The following OTUD7A variants were observed in gnomAD, a reference collection of about 807,000 sequenced individuals.
The protein encoded by OTUD7A is OTU domain-containing protein 7A.
In OTUD7A, 12 loss-of-function variants were observed where a neutral mutation model predicts 65.7. The observed-to-expected ratio is 0.18, with a 90% CI of 0.12 to 0.30. OTUD7A has a LOEUF of 0.30. Among genes scored for constraint, OTUD7A ranks in the 10% least tolerant of loss-of-function variants. The pLI is 1.00. For synonymous variants in OTUD7A, 641 were observed against 586.3 expected, an observed-to-expected ratio of 1.09 and a Z score of -1.35; for missense variants, 1,148 against 1,304.8, an observed-to-expected ratio of 0.88 and a Z score of 1.85.
intron 3 of OTUD7A, among the ~76,000 whole-genome samples, chr15:31,605,644 C>T (rs959775172): frequency 6.6e-5 from 10 of 152,178 alleles, no homozygotes; most frequent in East Asian, 1.9e-4. Flanking sequence ...TGGAACAAAT[C>T]GATTAAAGCA....
chr15:31,653,473 A>G (rs533107370), intron 3 of OTUD7A, among the ~76,000 whole-genome samples: 2 of 151,906 alleles, frequency 1.3e-5, no homozygotes, highest in South Asian at 2.1e-4. Context: ...ATGAGTCTCA[A>G]AATGATCTCC....
chr15:31,763,594 G>A (rs576134765), intron 1 of OTUD7A, among the ~76,000 whole-genome samples: 135 of 152,250 alleles, frequency 8.9e-4, no homozygotes, highest in African/African-American at 3.2e-3. Context: ...CAAGAAAGGA[G>A]TAAGAGTCTG....
At chr15:31,755,148 G>C (rs1226198981) in intron 1 of OTUD7A, among the ~76,000 whole-genome samples, 1 of 151,772 alleles carries the variant, frequency 6.6e-6, no homozygotes, top group East Asian at 1.9e-4. Context: ...AAGAGGGGAA[G>C]TGAAGGTGGG....
intron 1 of OTUD7A, among the ~76,000 whole-genome samples, chr15:31,822,744 G>A (rs1455472451): frequency 6.6e-6 from 1 of 152,162 alleles, no homozygotes; most frequent in Non-Finnish European, 1.5e-5. Context: ...TCTAATCCAG[G>A]CAGACCCCTC....
chr15:31,636,398 C>T (rs1891342730), intron 3 of OTUD7A, among the ~76,000 whole-genome samples: 1 of 152,198 alleles, frequency 6.6e-6, no homozygotes, highest in African/African-American at 2.4e-5. Flanking sequence ...CCCACACATA[C>T]CGATGAACTT....
intron 8 of OTUD7A, among the ~76,000 whole-genome samples, chr15:31,511,017 ACATG>A (rs2041703664): frequency 1.3e-4 from 3 of 22,288 alleles, no homozygotes; most frequent in African/African-American, 7.1e-4. Context: ...TATGTAACAT[ACATG>A]TATATCTATA....
rs2041257743 is a variant in OTUD7A, at chr15:31,487,652, G to A, written c.1172-86C>T. 22 of 1,032,698 alleles carry A rather than the reference G, an allele frequency of 2.1e-5. No homozygotes were observed. Among genetic ancestry groups the A allele is most frequent in the Non-Finnish European group, 3.0e-5 (21 of 710,166 alleles). The allele number at this position is 1,032,698 out of a possible 1,614,324, so 64.0% of individuals were successfully genotyped here. On this transcript the variant is annotated intron_variant, in intron 10 of 12. Coordinates refer to ENST00000307050, the MANE Select transcript of OTUD7A (RefSeq NM_001382637.1). The surrounding 1 kb of genome is among the most constrained non-coding windows in gnomAD (Gnocchi z 6.0). ...GGAAATTCCCAAGCCAGGTATCTGG[G>A]TGACAAATGCACCGAGTGGACATCT... is the stretch of plus-strand genomic sequence containing the variant.
intron 1 of OTUD7A, among the ~76,000 whole-genome samples, chr15:31,861,145 T>C (rs1363296714): frequency 6.6e-6 from 1 of 152,108 alleles, no homozygotes; most frequent in East Asian, 1.9e-4. Context: ...TTGTACAGAA[T>C]CATGGAGTTG....
intron 8 of OTUD7A, among the ~76,000 whole-genome samples, chr15:31,516,158 G>C (rs557454483): frequency 1.3e-5 from 2 of 152,366 alleles, no homozygotes; most frequent in South Asian, 4.1e-4. Context: ...AGCTATGCAA[G>C]AGGGCCTCCA....
At chr15:31,838,657 ACC>A (rs5811666) in intron 1 of OTUD7A, among the ~76,000 whole-genome samples, 2 of 144,700 alleles carry the variant, frequency 1.4e-5, no homozygotes, top group African/African-American at 5.2e-5. Context: ...GATCTCAAAG[ACC>A]CCCCCCCACT....
At position 31,481,875 on chromosome 15, in the gene OTUD7A, C is replaced by T. The variant is rs753361646; in HGVS notation, c.*1419G>A. 1 of 152,276 alleles carries T rather than the reference C, an allele frequency of 6.6e-6. No homozygotes were observed. Among genetic ancestry groups the T allele is most frequent in the Admixed American group, 6.5e-5 (1 of 15,296 alleles). The allele number at this position is 152,276 out of a possible 1,614,324, so 9.4% of individuals were successfully genotyped here. On this transcript the variant is annotated 3_prime_UTR_variant, in exon 13 of 13. Coordinates refer to ENST00000307050, the MANE Select transcript of OTUD7A (RefSeq NM_001382637.1). The stretch of plus-strand genomic sequence containing the variant: ...AGGATACACTCACAGCAAAGCCAGG[C>T]GCTTTCTCCTGTCCTAGGATTATTA...
Position 31,483,990 on chromosome 15 carries a change from C to T in OTUD7A, c.2106G>A (p.Pro702=), listed in dbSNP as rs2041185793. Residue 702 remains proline, a synonymous_variant, in exon 13 of 13, where the codon CCG becomes CCA. Transcript: ENST00000307050. The part of the protein sequence containing the change: ...AAAAATAKRP[P]RRPETEGVPV... ...GCACGCCCTCCGTCTCCGGTCTGCG[C>T]GGCGGCCGCTTGGCCGTGGCGGCGG... 3 of 1,124,964 alleles carry T rather than the reference C, an allele frequency of 2.7e-6. No individual in the cohort carries two copies. The highest frequency in any genetic ancestry group is 5.0e-5 in the Admixed American group (1 of 19,858). The allele number at this position is 1,124,964 out of a possible 1,614,324, so 69.7% of individuals were successfully genotyped here.
chr15:31,510,547 C>A (rs1236539699), intron 8 of OTUD7A, among the ~76,000 whole-genome samples: 4 of 121,582 alleles, frequency 3.3e-5, no homozygotes, highest in African/African-American at 1.4e-4. Context: ...ATATGTATAT[C>A]TATATGTAAC....
At chr15:31,660,158 G>A (rs1892120252) in intron 1 of OTUD7A, among the ~76,000 whole-genome samples, 1 of 152,272 alleles carries the variant, frequency 6.6e-6, no homozygotes, top group South Asian at 2.1e-4. Flanking sequence ...CTGTTAAGGG[G>A]GTGAATGGTT....
chr15:31,612,784 G>GA (rs1566943875), intron 3 of OTUD7A, among the ~76,000 whole-genome samples: 1 of 152,162 alleles, frequency 6.6e-6, no homozygotes, highest in African/African-American at 2.4e-5. Flanking sequence ...CACAGAATTA[G>GA]AAAAAACAAT....
rs555064196 is a variant in OTUD7A, at chr15:31,807,928, T to C, written c.-100+62579A>G. On this transcript the variant is annotated intron_variant, in intron 1 of 12. Coordinates refer to ENST00000307050, the MANE Select transcript of OTUD7A (RefSeq NM_001382637.1). ...GCTGTTACCAATATGCTGTTTCTTG[T>C]ATTTAATAACCTCGAGGAAGCTTCC... 4.6e-5 allele frequency among the ~76,000 whole-genome samples: 7 copies of C among 152,196 alleles called. No individual in the cohort carries two copies. In the South Asian group the frequency reaches 1.5e-3, roughly 32 times the overall value.
At chr15:31,527,826 A>C (rs184531749) in intron 6 of OTUD7A, among the ~76,000 whole-genome samples, 1 of 152,224 alleles carries the variant, frequency 6.6e-6, no homozygotes, top group Non-Finnish European at 1.5e-5. Flanking sequence ...CACCTGGCCC[A>C]GGAGAGAGCG....
chr15:31,850,181 T>A (rs926692886), intron 1 of OTUD7A, among the ~76,000 whole-genome samples: 1 of 152,086 alleles, frequency 6.6e-6, no homozygotes, highest in Non-Finnish European at 1.5e-5. Flanking sequence ...CAATGATAGA[T>A]TGGATTAAGA....
intron 10 of OTUD7A, among the ~76,000 whole-genome samples, chr15:31,496,091 A>C (rs1419926984): frequency 6.6e-6 from 1 of 152,082 alleles, no homozygotes; most frequent in Non-Finnish European, 1.5e-5. Flanking sequence ...AGTTTCAAAA[A>C]AAAAAACTTT....
Sources: allele counts gnomAD v4.1 joint callset (sites outside exome capture counted in the v4.1 genomes callset), GRCh38; gene constraint gnomAD v4.1.1; non-coding constraint Gnocchi (gnomAD v3.1); transcripts MANE v1.5; gene names NCBI Gene and HGNC (gene_info 2026-07-23, HGNC 2026-07-21).